Variants in HIPK3 observed in about 807,000 individuals in gnomAD.
The protein encoded by HIPK3 is homeodomain-interacting protein kinase 3.
HIPK3 carries 47 observed loss-of-function variants against 124.2 expected under a neutral mutation model. The ratio of observed to expected loss-of-function variants is 0.38; its 90% CI spans 0.30 to 0.48. The LOEUF (loss-of-function observed/expected upper bound fraction) is 0.48. Ranked by LOEUF, HIPK3 falls within the 20% of genes least tolerant of loss-of-function variation. HIPK3 has a pLI of 0.98. For missense variants in HIPK3, 1,286 were observed against 1,454.3 expected, an observed-to-expected ratio of 0.88 and a Z score of 1.88; for synonymous variants, 482 against 515.2, an observed-to-expected ratio of 0.94 and a Z score of 0.87.
chr11:33,346,418 C>T (rs1853494595), intron 8 of HIPK3, among the ~76,000 whole-genome samples: 1 of 152,092 alleles, frequency 6.6e-6, no homozygotes. Context: ...TTTTGCCTTT[C>T]CTTTGGAGGT....
intron 2 of HIPK3, among the ~76,000 whole-genome samples, chr11:33,290,969 G>A (rs1851682871): frequency 6.6e-6 from 1 of 152,168 alleles, no homozygotes; most frequent in African/African-American, 2.4e-5. Flanking sequence ...TGTAAACAAA[G>A]ACTAGTGCAG....
intron 2 of HIPK3, among the ~76,000 whole-genome samples, chr11:33,315,906 A>G (rs1019061848): frequency 6.6e-6 from 1 of 152,148 alleles, no homozygotes; most frequent in Admixed American, 6.5e-5. Context: ...TGTCCTGCAT[A>G]CTTAAAAGAT....
rs1221822677 is a variant in HIPK3 at position 33,286,674 on chromosome 11, A to G, written c.260A>G (p.Asn87Ser). 6.2e-7 allele frequency: 1 copy of G among 1,614,092 alleles called. No individual in the cohort carries two copies. The highest frequency in any genetic ancestry group is 1.1e-5 in the South Asian group (1 of 91,084). Reference protein sequence around the residue: ...SLQTSAVVLKNTAGATKVIAA... With the variant: ...SLQTSAVVLKSTAGATKVIAA... ...CAGACAAGTGCTGTTGTTTTGAAAA[A>G]CACTGCAGGTGCTACAAAGGTCATA... Residue 87 changes from asparagine to serine, a missense_variant, in exon 2 of 17, where the codon AAC (asparagine) becomes AGC (serine). Asn to Ser is a conservative substitution (Grantham distance 46). Transcript: ENST00000303296.
At chr11:33,304,501 G>A (rs1179159834) in intron 2 of HIPK3, among the ~76,000 whole-genome samples, 1 of 151,414 alleles carries the variant, frequency 6.6e-6, no homozygotes, top group African/African-American at 2.4e-5. Flanking sequence ...AGGTTGCGGA[G>A]AGCCGAGATC....
chr11:33,302,137 C>T (rs111482149), intron 2 of HIPK3, among the ~76,000 whole-genome samples: 2,344 of 152,210 alleles, frequency 0.015, 33 homozygotes, highest in Non-Finnish European at 0.022. Context: ...TCTAGAATCC[C>T]TTTCAGTTCC....
At chr11:33,352,785 A>G (rs1195910281) in intron 16 of HIPK3, among the ~76,000 whole-genome samples, 1 of 152,186 alleles carries the variant, frequency 6.6e-6, no homozygotes, top group Admixed American at 6.6e-5. Context: ...TGTTAGCTTT[A>G]CATATAAGAA....
At chr11:33,268,697 G>T (rs1206079537) in intron 1 of HIPK3, among the ~76,000 whole-genome samples, 1 of 151,830 alleles carries the variant, frequency 6.6e-6, no homozygotes, top group African/African-American at 2.4e-5. Flanking sequence ...GAAAATTTTC[G>T]GGAGTGTTTG....
intron 1 of HIPK3, among the ~76,000 whole-genome samples, chr11:33,270,219 A>G (rs1220806275): frequency 1.9e-4 from 29 of 152,138 alleles, no homozygotes; most frequent in Admixed American, 1.8e-3. Flanking sequence ...CCCTCAGGTG[A>G]TCCACCTGCC....
intron 1 of HIPK3, among the ~76,000 whole-genome samples, chr11:33,264,209 A>C (rs562174743): frequency 6.6e-6 from 1 of 152,290 alleles, no homozygotes; most frequent in East Asian, 1.9e-4. Flanking sequence ...TATTTAGAGA[A>C]GCATAATAAA....
intron 2 of HIPK3, among the ~76,000 whole-genome samples, chr11:33,325,538 A>G (rs1316651445): frequency 1.3e-5 from 2 of 152,120 alleles, no homozygotes; most frequent in Non-Finnish European, 2.9e-5. Context: ...CTTTTTTAGT[A>G]TAGGTTAATA....
chr11:33,311,910 TACACACACACACAC>T (rs71034671), intron 2 of HIPK3, among the ~76,000 whole-genome samples: 2 of 114,296 alleles, frequency 1.7e-5, no homozygotes, highest in Admixed American at 9.0e-5. Context: ...ACCCTGTTTC[TACACACACACACAC>T]ACACACACAC....
intron 14 of HIPK3, among the ~76,000 whole-genome samples, chr11:33,350,249 T>C (rs1368796789): frequency 2.0e-5 from 3 of 152,174 alleles, no homozygotes; most frequent in African/African-American, 7.2e-5. Context: ...TTTTCTCCCA[T>C]TGGTGACTGA....
intron 2 of HIPK3, among the ~76,000 whole-genome samples, chr11:33,328,010 G>C (rs1421768734): frequency 6.6e-6 from 1 of 152,074 alleles, no homozygotes; most frequent in Non-Finnish European, 1.5e-5. Flanking sequence ...TTAATCTCTT[G>C]GATGACTAAT....
intron 2 of HIPK3, among the ~76,000 whole-genome samples, chr11:33,299,452 T>C (rs956596988): frequency 1.5e-4 from 22 of 151,266 alleles, no homozygotes; most frequent in Admixed American, 1.4e-3. Context: ...CAGCCTGGGC[T>C]GCAGAACGAG....
rs550529907 is a variant in HIPK3 at position 33,307,565 on chromosome 11, A to AT, written c.1097+20068dup. On this transcript the variant is annotated intron_variant, in intron 2 of 16. Coordinates refer to ENST00000303296, the MANE Select transcript of HIPK3 (RefSeq NM_005734.5). ...AGGCGCCTGCCACCACGCCTGGCTA[A>AT]TTTTTTTTTTTTTTGTATTTTTAGT... Among the ~76,000 whole-genome samples the AT allele has an allele frequency of 5.4e-3, 769 of 141,154 alleles. 6 individuals are homozygous for AT. The highest frequency in any genetic ancestry group is 0.028 in the South Asian group (124 of 4,366). The allele number at this position is 141,154 out of a possible 152,430, so 92.6% of individuals were successfully genotyped here.
chr11:33,302,826 T>G (rs982930669), intron 2 of HIPK3, among the ~76,000 whole-genome samples: 13 of 152,214 alleles, frequency 8.5e-5, no homozygotes, highest in African/African-American at 3.1e-4. Flanking sequence ...TTTTATATGT[T>G]TGTACATTAA....
intron 1 of HIPK3, among the ~76,000 whole-genome samples, chr11:33,262,668 G>C (rs1224861305): frequency 2.0e-5 from 3 of 152,204 alleles, no homozygotes; most frequent in Admixed American, 6.5e-5. Flanking sequence ...GTTAGTACTT[G>C]AGAAGGCTCT....
intron 1 of HIPK3, among the ~76,000 whole-genome samples, chr11:33,276,870 A>G (rs1851286980): frequency 6.6e-6 from 1 of 151,862 alleles, no homozygotes. Context: ...ACACCCAGCT[A>G]ATTTTTGTAT....
At chr11:33,291,560 G>A (rs1475757346) in intron 2 of HIPK3, among the ~76,000 whole-genome samples, 3 of 152,272 alleles carry the variant, frequency 2.0e-5, no homozygotes, top group East Asian at 1.9e-4. Context: ...CCAGAAGTAC[G>A]TGCTAAGGGC....
Sources: allele counts gnomAD v4.1 joint callset (sites outside exome capture counted in the v4.1 genomes callset), GRCh38; gene constraint gnomAD v4.1.1; transcripts MANE v1.5; gene names NCBI Gene and HGNC (gene_info 2026-07-23, HGNC 2026-07-21).